The following PPARGC1A variants were observed in gnomAD, a reference collection of about 807,000 sequenced individuals.
PPARGC1A encodes the protein peroxisome proliferator-activated receptor gamma coactivator 1-alpha.
PPARGC1A carries 25 observed loss-of-function variants against 88.7 expected under a neutral mutation model. The ratio of observed to expected loss-of-function variants is 0.28; its 90% CI spans 0.21 to 0.39. The LOEUF is 0.39. Among genes scored for constraint, PPARGC1A ranks in the 10% least tolerant of loss-of-function variants. PPARGC1A has a pLI of 1.00. For synonymous variants in PPARGC1A, 363 were observed against 355.6 expected (o/e 1.02, Z -0.24); for missense variants, 880 against 968.7 (o/e 0.91, Z 1.22).
chr4:23,937,980 A>G, the PPARGC1A span, among the ~76,000 whole-genome samples: 1 of 152,198 alleles, frequency 6.6e-6, no homozygotes, highest in African/African-American at 2.4e-5. Context: ...TCAGAATAAT[A>G]TGCGTAAACA....
At chr4:24,022,843 G>C in the PPARGC1A span, among the ~76,000 whole-genome samples, 1 of 152,148 alleles carries the variant, frequency 6.6e-6, no homozygotes. Context: ...TTTAAAGATT[G>C]AAATTTCAGG....
intron 12 of PPARGC1A, among the ~76,000 whole-genome samples, chr4:23,801,134 A>G (rs1475501767): frequency 6.6e-6 from 1 of 152,108 alleles, no homozygotes; most frequent in Non-Finnish European, 1.5e-5. Context: ...AATGATGGCA[A>G]TGCTATGGTT....
At chr4:24,081,344 A>C in the PPARGC1A span, among the ~76,000 whole-genome samples, 1 of 152,136 alleles carries the variant, frequency 6.6e-6, no homozygotes, top group African/African-American at 2.4e-5. Context: ...CATCTTGGCA[A>C]GAAGCTGACT....
At chr4:24,125,825 T>A in the PPARGC1A span, among the ~76,000 whole-genome samples, 2 of 152,196 alleles carry the variant, frequency 1.3e-5, no homozygotes, top group Admixed American at 6.5e-5. Flanking sequence ...CTGCAAGGAA[T>A]GTGGCTCACA....
At chr4:24,440,414 C>T in the PPARGC1A span, among the ~76,000 whole-genome samples, 346 of 152,286 alleles carry the variant, frequency 2.3e-3, 1 homozygote, top group African/African-American at 8.0e-3. Flanking sequence ...TCAGCCAGTT[C>T]ACGCAAAGTA....
At chr4:24,441,241 A>G in the PPARGC1A span, among the ~76,000 whole-genome samples, 2 of 151,988 alleles carry the variant, frequency 1.3e-5, no homozygotes, top group African/African-American at 4.8e-5. Context: ...GAAGTATTCC[A>G]CCCTAGCAGG....
chr4:23,836,146 T>A (rs1465028447), intron 2 of PPARGC1A, among the ~76,000 whole-genome samples: 1 of 152,084 alleles, frequency 6.6e-6, no homozygotes, highest in Non-Finnish European at 1.5e-5. Flanking sequence ...CCATCCGAGT[T>A]GGGGAAAAAA....
At chr4:24,173,015 T>C in the PPARGC1A span, among the ~76,000 whole-genome samples, 1 of 152,240 alleles carries the variant, frequency 6.6e-6, no homozygotes, top group Non-Finnish European at 1.5e-5. Flanking sequence ...TGTATTTTAG[T>C]ACCTCTAATC....
chr4:24,362,965 T>C, the PPARGC1A span, among the ~76,000 whole-genome samples: 5 of 152,202 alleles, frequency 3.3e-5, no homozygotes, highest in Non-Finnish European at 5.9e-5. Context: ...TTAACAATTA[T>C]TAGGAATTTA....
At chr4:23,962,742 A>G in the PPARGC1A span, among the ~76,000 whole-genome samples, 2 of 152,176 alleles carry the variant, frequency 1.3e-5, no homozygotes, top group Non-Finnish European at 2.9e-5. Flanking sequence ...AAACCCAAGT[A>G]GGGAAGGTGA....
the PPARGC1A span, among the ~76,000 whole-genome samples, chr4:24,029,942 T>C: frequency 3.3e-5 from 5 of 152,132 alleles, no homozygotes; most frequent in Admixed American, 6.6e-5. Flanking sequence ...AAAAAGGATA[T>C]GTAAGCCTGT....
At chr4:24,113,107 A>G in the PPARGC1A span, among the ~76,000 whole-genome samples, 75 of 152,304 alleles carry the variant, frequency 4.9e-4, 2 homozygotes, top group South Asian at 0.015. Context: ...CTTTACTTAC[A>G]ATGACTTGGG....
At chr4:24,371,997 C>T in the PPARGC1A span, among the ~76,000 whole-genome samples, 4 of 151,992 alleles carry the variant, frequency 2.6e-5, no homozygotes, top group Non-Finnish European at 5.9e-5. Context: ...AAGGTTGCCT[C>T]TCTTCTGAAA....
the PPARGC1A span, among the ~76,000 whole-genome samples, chr4:24,304,166 G>A: frequency 6.6e-6 from 1 of 152,180 alleles, no homozygotes; most frequent in Non-Finnish European, 1.5e-5. Context: ...AGGATATTTT[G>A]ATCTAATAAA....
the PPARGC1A span, among the ~76,000 whole-genome samples, chr4:24,277,898 G>A: frequency 6.4e-4 from 97 of 152,214 alleles, no homozygotes; most frequent in African/African-American, 2.0e-3. Flanking sequence ...ATAAGGGGTG[G>A]GTGTGGTGGC....
the PPARGC1A span, among the ~76,000 whole-genome samples, chr4:24,218,517 G>A: frequency 6.6e-6 from 1 of 152,222 alleles, no homozygotes; most frequent in African/African-American, 2.4e-5. Flanking sequence ...ATACAGGGCT[G>A]GCCCATGATG....
chr4:24,471,835 C>A, the PPARGC1A span, among the ~76,000 whole-genome samples: 4 of 152,238 alleles, frequency 2.6e-5, no homozygotes, highest in Admixed American at 6.5e-5. The surrounding 1 kb of genome is among the most constrained non-coding windows in gnomAD (Gnocchi z 5.4). Flanking sequence ...CCCCACCCCC[C>A]CCACCTCCGC....
At chr4:24,099,564 G>A in the PPARGC1A span, among the ~76,000 whole-genome samples, 1 of 152,112 alleles carries the variant, frequency 6.6e-6, no homozygotes, top group African/African-American at 2.4e-5. Context: ...AACTCCCCTA[G>A]GCACAAATTG....
At chr4:24,270,215 T>G in the PPARGC1A span, among the ~76,000 whole-genome samples, 1 of 152,116 alleles carries the variant, frequency 6.6e-6, no homozygotes, top group Non-Finnish European at 1.5e-5. Context: ...CTTACACCAC[T>G]GCATCTCCTG....
Sources: gnomAD v4.1 joint callset for allele counts (sites outside exome capture counted in the v4.1 genomes callset) on GRCh38, gnomAD v4.1.1 for gene constraint, Gnocchi (gnomAD v3.1) non-coding constraint, MANE v1.5 for transcripts, NCBI Gene and HGNC (gene_info 2026-07-23, HGNC 2026-07-21) for gene names.